PRIM2: variants seen among roughly 807,000 people sequenced by gnomAD.
PRIM2 encodes DNA primase subunit 2.
In PRIM2, 39 loss-of-function variants were observed where a neutral mutation model predicts 67.3. The observed-to-expected ratio is 0.58, with a 90% confidence interval of 0.45 to 0.76. The LOEUF (loss-of-function observed/expected upper bound fraction) is 0.76. Ranked by LOEUF, PRIM2 falls within the 30% of genes least tolerant of loss-of-function variation. PRIM2 has a pLI of 0.00. For missense variants in PRIM2, 398 were observed against 598.7 expected, an observed-to-expected ratio of 0.66 and a Z score of 3.50; for synonymous variants, 143 against 198.7, an observed-to-expected ratio of 0.72 and a Z score of 2.36.
chr6:57,483,322 ACAG>A (rs1304762263), intron 7 of PRIM2, among the ~76,000 whole-genome samples: 1 of 152,188 alleles, frequency 6.6e-6, no homozygotes. Context: ...AAATGTTCAA[ACAG>A]CAGCAGCAGC....
chr6:57,430,456 T>TG (rs1350662063), intron 7 of PRIM2, among the ~76,000 whole-genome samples: 14 of 115,528 alleles, frequency 1.2e-4, no homozygotes, highest in African/African-American at 7.2e-4. Context: ...TGTTTTTTTT[T>TG]TTTTTTTTTT....
upstream of PRIM2, among the ~76,000 whole-genome samples, chr6:57,309,878 T>TC (rs1281179058): frequency 1.3e-5 from 2 of 152,156 alleles, no homozygotes; most frequent in Non-Finnish European, 2.9e-5. Flanking sequence ...TGAGATGGTA[T>TC]CTCATTATGG....
At chr6:57,362,790 T>C (rs920773231) in intron 5 of PRIM2, among the ~76,000 whole-genome samples, 2 of 152,072 alleles carry the variant, frequency 1.3e-5, no homozygotes, top group African/African-American at 4.8e-5. Flanking sequence ...AAAGGAGATG[T>C]CATAAAGAAG....
chr6:57,297,808 T>C, the PRIM2 span, among the ~76,000 whole-genome samples: 15 of 152,246 alleles, frequency 9.9e-5, no homozygotes, highest in African/African-American at 3.1e-4. Context: ...TGAGGAAACA[T>C]AGGCAGTCTA....
chr6:57,306,431 A>T, the PRIM2 span, among the ~76,000 whole-genome samples: 3 of 152,282 alleles, frequency 2.0e-5, no homozygotes, highest in Non-Finnish European at 2.9e-5. Flanking sequence ...GACGAAATTC[A>T]CTGTCAAGTT....
At chr6:57,592,742 G>C (rs1460915131) in intron 10 of PRIM2, among the ~76,000 whole-genome samples, 25 of 151,036 alleles carry the variant, frequency 1.7e-4, no homozygotes, top group African/African-American at 5.9e-4. Flanking sequence ...AGTGAACCAA[G>C]ATCACACCAC....
chr6:57,521,713 C>CTA (rs1205728333), intron 8 of PRIM2, among the ~76,000 whole-genome samples: 1 of 152,102 alleles, frequency 6.6e-6, no homozygotes, highest in Non-Finnish European at 1.5e-5. Context: ...ATATGATAAA[C>CTA]TATAACCTGC....
intron 5 of PRIM2, among the ~76,000 whole-genome samples, chr6:57,357,788 G>A (rs1769080793): frequency 1.3e-5 from 2 of 151,978 alleles, no homozygotes; most frequent in African/African-American, 4.8e-5. Context: ...TAGAGATGGG[G>A]TTTCACCATG....
chr6:57,245,806 G>T, the PRIM2 span, among the ~76,000 whole-genome samples: 1 of 152,206 alleles, frequency 6.6e-6, no homozygotes, highest in Admixed American at 6.5e-5. Context: ...AGTGGTCTTG[G>T]GATAGTGCAG....
chr6:57,543,073 G>A (rs1176328901), intron 10 of PRIM2, among the ~76,000 whole-genome samples: 2 of 148,026 alleles, frequency 1.4e-5, no homozygotes, highest in African/African-American at 5.0e-5. Flanking sequence ...CCGAGTAGCT[G>A]GGACTACAGG....
chr6:57,431,974 A>G (rs1771845840), intron 7 of PRIM2, among the ~76,000 whole-genome samples: 2 of 152,194 alleles, frequency 1.3e-5, no homozygotes, highest in Non-Finnish European at 2.9e-5. Flanking sequence ...TTCTTAGATC[A>G]CTGCAACATT....
chr6:57,372,127 G>A (rs77478668), intron 5 of PRIM2, among the ~76,000 whole-genome samples: 2 of 152,084 alleles, frequency 1.3e-5, no homozygotes, highest in Admixed American at 6.5e-5. Flanking sequence ...ACTTCTCATG[G>A]CATCTAGTTG....
intron 5 of PRIM2, among the ~76,000 whole-genome samples, chr6:57,366,969 A>G (rs1460994404): frequency 6.6e-6 from 1 of 152,172 alleles, no homozygotes; most frequent in Non-Finnish European, 1.5e-5. Flanking sequence ...AGAAGAGATG[A>G]AATATGCTTT....
intron 5 of PRIM2, among the ~76,000 whole-genome samples, chr6:57,329,274 C>T (rs901952463): frequency 3.3e-5 from 5 of 151,940 alleles, no homozygotes; most frequent in African/African-American, 1.2e-4. Context: ...GTAGTTTTAG[C>T]TCTTACGTTT....
chr6:57,257,336 A>G, the PRIM2 span, among the ~76,000 whole-genome samples: 1 of 150,770 alleles, frequency 6.6e-6, no homozygotes, highest in African/African-American at 2.4e-5. Flanking sequence ...CAATGGCGCA[A>G]TCTCGGCTCA....
intron 7 of PRIM2, among the ~76,000 whole-genome samples, chr6:57,420,618 T>C (rs911995128): frequency 4.6e-5 from 7 of 152,358 alleles, no homozygotes; most frequent in Admixed American, 3.9e-4. Flanking sequence ...CAATCTTAGC[T>C]GGTCCTGGGT....
At chr6:57,425,126 A>G (rs1228527413) in intron 7 of PRIM2, among the ~76,000 whole-genome samples, 1 of 152,178 alleles carries the variant, frequency 6.6e-6, no homozygotes, top group African/African-American at 2.4e-5. Flanking sequence ...TTCTGTGTCT[A>G]TCTAGTTTTT....
intron 7 of PRIM2, chr6:57,383,591 A>G (rs1581848972): frequency 6.6e-6 from 1 of 151,822 alleles, no homozygotes; most frequent in Non-Finnish European, 1.5e-5. Flanking sequence ...AAAAAAAAAA[A>G]AAGGCATGTG....
chr6:57,439,407 T>G (rs1772124484), intron 7 of PRIM2, among the ~76,000 whole-genome samples: 1 of 40,812 alleles, frequency 2.5e-5, no homozygotes. Flanking sequence ...GTACTCTGTT[T>G]TTTTTTTTTT....
Sources: gnomAD v4.1 joint callset for allele counts (sites outside exome capture counted in the v4.1 genomes callset) on GRCh38, gnomAD v4.1.1 for gene constraint, MANE v1.5 for transcripts, NCBI Gene and HGNC (gene_info 2026-07-23, HGNC 2026-07-21) for gene names.